Variants in PREP observed in about 807,000 individuals in gnomAD.
PREP encodes the protein prolyl endopeptidase.
In PREP, 29 loss-of-function variants were observed where a neutral mutation model predicts 87.6. That is an observed-to-expected ratio of 0.33 (90% CI 0.25 to 0.45). The LOEUF (loss-of-function observed/expected upper bound fraction) is 0.45, where lower values mean the gene tolerates loss of function less well. PREP is among the 20% of genes least tolerant of loss of function. The pLI is 1.00. For missense variants in PREP, 695 were observed against 886.5 expected (o/e 0.78, Z 2.74); for synonymous variants, 337 against 328.6 (o/e 1.03, Z -0.28).
At chr6:105,362,490 T>C (rs1357560991) in intron 6 of PREP, among the ~76,000 whole-genome samples, 1 of 152,194 alleles carries the variant, frequency 6.6e-6, no homozygotes, top group Non-Finnish European at 1.5e-5. Context: ...TTTGTCTTAT[T>C]TTCTTCCTTG....
chr6:105,281,725 T>C lies in PREP; in HGVS notation c.1838+21A>G, dbSNP rs28362537. The C allele has an allele frequency of 7.1e-3, 11,397 of 1,610,686 alleles. 696 individuals carry two copies. In the East Asian group the frequency reaches 0.16, roughly 22 times the overall value. On this transcript the variant is annotated intron_variant, in intron 14 of 14. Transcript: ENST00000652536. ...TTTATATCAAACCACTAACAACATA[T>C]ATATGTCAATAAAACCTTACTTGAC...
chr6:105,389,966 G>A (rs1002651009), intron 2 of PREP, among the ~76,000 whole-genome samples: 2 of 152,134 alleles, frequency 1.3e-5, no homozygotes, highest in African/African-American at 4.8e-5. Context: ...GAAAGCAGAC[G>A]TTTTCCTACA....
chr6:105,282,711 A>AT, intron 12 of PREP, 129 bp from the exon 13 acceptor site: 1 of 1,042,472 alleles, frequency 9.6e-7, no homozygotes, highest in Non-Finnish European at 1.4e-6. Flanking sequence ...TTAACACTGC[A>AT]TTTAAAAAAA....
intron 4 of PREP, among the ~76,000 whole-genome samples, chr6:105,374,621 G>A (rs1772638059): frequency 1.0e-5 from 1 of 100,252 alleles, no homozygotes; most frequent in Admixed American, 1.1e-4. Context: ...GCACTGGAGT[G>A]TTTGAATTGT....
chr6:105,301,408 A>G (rs1229974662), intron 10 of PREP, among the ~76,000 whole-genome samples: 1 of 152,232 alleles, frequency 6.6e-6, no homozygotes, highest in Non-Finnish European at 1.5e-5. Flanking sequence ...AGAACTGGAC[A>G]GTAGGCGGGC....
chr6:105,333,698 C>T (rs1333804982), intron 7 of PREP, among the ~76,000 whole-genome samples, 193 bp from the exon 8 acceptor site: 2 of 152,056 alleles, frequency 1.3e-5, no homozygotes, highest in Non-Finnish European at 2.9e-5. Flanking sequence ...CCCTGAAAAA[C>T]CCAGCAAGGA....
At chr6:105,281,109 A>T (rs1770072048) in intron 14 of PREP, 1 of 152,258 alleles carries the variant, frequency 6.6e-6, no homozygotes, top group African/African-American at 2.4e-5. Context: ...AGGTCAAAGA[A>T]GGTCAAAGTC....
intron 6 of PREP, among the ~76,000 whole-genome samples, chr6:105,362,080 A>C (rs1388077518): frequency 6.6e-6 from 1 of 152,238 alleles, no homozygotes; most frequent in East Asian, 1.9e-4. Flanking sequence ...TACAAAATAA[A>C]ATAAATAATG....
Position 105,373,396 on chromosome 6 carries a change from A to G in PREP, c.568T>C (p.Tyr190His), listed in dbSNP as rs1369751324. Residue 190 changes from tyrosine (Y) to histidine (H), a missense_variant, in exon 5 of 15, where the codon TAC becomes CAC. Coordinates refer to ENST00000652536, the MANE Select transcript of PREP (RefSeq NM_002726.5). ...HDGKGMFYNS[Y>H]PQQDGKSDGT... ...TCACTTTTTCCATCCTGTTGAGGGT[A>G]TGAGTTGTAGAACATTCCCTTCCCA... 6.2e-7 allele frequency: 1 copy of G among 1,614,204 alleles called. No homozygotes were observed. Among genetic ancestry groups the G allele is most frequent in the Non-Finnish European group, 8.5e-7 (1 of 1,180,024 alleles).
In PREP at chr6:105,352,992, T is replaced by C; in HGVS notation, c.803A>G (p.Gln268Arg). ...VNRLWYCDLQ[Q>R]ESSGIAGILK... ...CTCACCCGCGATGCCACTGGATTCCTGCTGTAGGTCACAGTACCAGAGTCG... is the reference window on the plus strand; with the variant it reads ...CTCACCCGCGATGCCACTGGATTCCCGCTGTAGGTCACAGTACCAGAGTCG... Residue 268 changes from glutamine (Q) to arginine (R), a missense_variant, in exon 7 of 15, where the codon CAG (glutamine) becomes CGG (arginine). By Grantham distance (43) the Gln-to-Arg change is conservative (BLOSUM62 1). Transcript: ENST00000652536. 6.2e-7 allele frequency: 1 copy of C among 1,613,802 alleles called. No individual in the cohort carries two copies. Among genetic ancestry groups the C allele is most frequent in the Non-Finnish European group, 8.5e-7 (1 of 1,179,696 alleles).
chr6:105,345,643 G>A (rs1011559289), intron 7 of PREP, among the ~76,000 whole-genome samples: 1 of 152,206 alleles, frequency 6.6e-6, no homozygotes, highest in African/African-American at 2.4e-5. Context: ...GTCAGGCACT[G>A]AGGCTGCAGG....
chr6:105,299,742 T>C (rs1456061106), intron 10 of PREP, among the ~76,000 whole-genome samples: 1 of 152,230 alleles, frequency 6.6e-6, no homozygotes, highest in African/African-American at 2.4e-5. Context: ...AATATCTTTA[T>C]TGGGTGCAAT....
Position 105,330,592 on chromosome 6 carries a change from G to A in PREP, c.1016-1566C>T, listed in dbSNP as rs919908002. Among the ~76,000 whole-genome samples, 14 of 152,144 alleles carry A rather than the reference G, an allele frequency of 9.2e-5. No individual in the cohort carries two copies. In the East Asian group the frequency reaches 9.7e-4, roughly 11 times the overall value. Reference sequence around the variant, plus strand: ...CAGGTCACCCAGAGGGAGAGACACCGCAGCAAGTGGAAGTGAGGACAGGGC... The same window carrying A: ...CAGGTCACCCAGAGGGAGAGACACCACAGCAAGTGGAAGTGAGGACAGGGC... On this transcript the variant is annotated intron_variant, in intron 8 of 14. Transcript: ENST00000652536.
Position 105,277,141 on chromosome 6 carries a change from T to C in PREP, c.*1003A>G, listed in dbSNP as rs1769955463. 6.6e-6 allele frequency among the ~76,000 whole-genome samples: 1 copy of C among 150,638 alleles called. No homozygotes were observed. Among genetic ancestry groups the C allele is most frequent in the African/African-American group, 2.5e-5 (1 of 40,642 alleles). ...AAGGAATAGTATATCTTAAAAATCTTGGGGGTGGGCAAACCAAAACTTTTT... is the reference window on the plus strand; with the variant it reads ...AAGGAATAGTATATCTTAAAAATCTCGGGGGTGGGCAAACCAAAACTTTTT... On this transcript the variant is annotated 3_prime_UTR_variant, in exon 15 of 15. Transcript: ENST00000652536.
intron 10 of PREP, among the ~76,000 whole-genome samples, chr6:105,315,354 T>A (rs989993344): frequency 2.0e-5 from 3 of 152,162 alleles, no homozygotes; most frequent in African/African-American, 7.2e-5. Flanking sequence ...TGTAGATAAA[T>A]TTTGTATGGG....
chr6:105,296,352 G>C (rs913897294), intron 10 of PREP, among the ~76,000 whole-genome samples: 2 of 147,754 alleles, frequency 1.4e-5, no homozygotes, highest in Admixed American at 1.3e-4. Context: ...TTTCTATCAT[G>C]CTTTGTTTAT....
intron 10 of PREP, among the ~76,000 whole-genome samples, chr6:105,296,924 T>A (rs899614797): frequency 1.3e-5 from 2 of 152,224 alleles, no homozygotes; most frequent in African/African-American, 4.8e-5. Flanking sequence ...CATGTCCACA[T>A]CTGCAGGCCC....
At chr6:105,401,112 C>T (rs1773418260) in intron 1 of PREP, among the ~76,000 whole-genome samples, 1 of 152,210 alleles carries the variant, frequency 6.6e-6, no homozygotes, top group African/African-American at 2.4e-5. Context: ...TTAAAATCCA[C>T]AGTATACCCT....
chr6:105,341,577 CA>C (rs879452723), intron 7 of PREP, among the ~76,000 whole-genome samples: 1 of 151,960 alleles, frequency 6.6e-6, no homozygotes, highest in Non-Finnish European at 1.5e-5. Context: ...AAAAACCCTT[CA>C]AAAAAATCAA....
Sources: allele counts gnomAD v4.1 joint callset (sites outside exome capture counted in the v4.1 genomes callset), GRCh38; gene constraint gnomAD v4.1.1; transcripts MANE v1.5; gene names NCBI Gene and HGNC (gene_info 2026-07-23, HGNC 2026-07-21).